Variants in WIZ observed in about 807,000 individuals in gnomAD.
The protein encoded by WIZ is protein Wiz.
In WIZ, 25 loss-of-function variants were observed where a neutral mutation model predicts 140.2. The observed-to-expected ratio is 0.18, with a 90% confidence interval of 0.13 to 0.25. WIZ has a LOEUF of 0.25. WIZ is among the 10% of genes least tolerant of loss of function. The pLI is 1.00. For synonymous variants in WIZ, 1,125 were observed against 1,154.3 expected (o/e 0.97, Z 0.51); for missense variants, 2,231 against 2,632.6 (o/e 0.85, Z 3.34).
Position 15,428,259 on chromosome 19 carries a change from A to T in WIZ, c.3665T>A (p.Leu1222His), listed in dbSNP as rs1489714537. 3 of 1,526,256 alleles carry T rather than the reference A, an allele frequency of 2.0e-6. No individual in the cohort carries two copies. Among genetic ancestry groups the T allele is most frequent in the Non-Finnish European group, 2.6e-6 (3 of 1,143,226 alleles). 94.5% of individuals were successfully genotyped at this position (1,526,256 alleles called of 1,614,324 possible). A position where few individuals can be genotyped will look rare whatever the true frequency, so the allele number is the denominator to read the frequency against. The change falls in exon 8 of 13, where the codon CTC becomes CAC. Residue 1222 changes from leucine (L) to histidine (H), a missense_variant. Coordinates refer to ENST00000673675, the MANE Select transcript of WIZ (RefSeq NM_001371589.1). The surrounding 1 kb of genome is among the most constrained non-coding windows in gnomAD (Gnocchi z 6.4). ...PGRPPPTSAALSLLPPPPPAK... is the reference protein window; with the variant it reads ...PGRPPPTSAAHSLLPPPPPAK... ...CGGCGGTGGGGGGGGAAGCAAGGAGAGGGCCGCGGAGGTGGGAGGCGGCCG... is the reference window on the plus strand; with the variant it reads ...CGGCGGTGGGGGGGGAAGCAAGGAGTGGGCCGCGGAGGTGGGAGGCGGCCG...
In WIZ at chr19:15,448,243, G is replaced by T. The variant is rs1342144156; in HGVS notation, c.65C>A (p.Pro22His). The change falls in exon 2 of 13, where the codon CCT (proline) becomes CAT (histidine). Residue 22 changes from proline (P) to histidine (H), a missense_variant. Physicochemically the swap from Pro to His is moderately conservative, Grantham distance 77. This residue lies in a region of WIZ where 85 missense variants were observed against 90.9 expected (regional missense o/e 0.94). Transcript: ENST00000673675. Reference protein sequence around the residue: ...PDRPQGPERLPGPAPRENIEG... With the variant: ...PDRPQGPERLHGPAPRENIEG... ...GATGTTCTCCCTTGGCGCCGGGCCA[G>T]GCAGTCTCTCTGGGCCTTGGGGACG... The T allele has an allele frequency of 2.5e-6, 4 of 1,613,490 alleles. No homozygotes were observed. In the African/African-American group the frequency reaches 5.3e-5, roughly 22 times the overall value.
At chr19:15,423,567 C>T (rs1288486756) in intron 12 of WIZ, among the ~76,000 whole-genome samples, 1 of 152,126 alleles carries the variant, frequency 6.6e-6, no homozygotes, top group Non-Finnish European at 1.5e-5. Flanking sequence ...AAATCCTACC[C>T]AACGCACCAA....
chr19:15,439,401 G>C lies in WIZ; in HGVS notation c.1593C>G (p.Ser531=). 1 of 1,528,224 alleles carries C rather than the reference G, an allele frequency of 6.5e-7. No homozygotes were observed. The highest frequency in any genetic ancestry group is 8.8e-7 in the Non-Finnish European group (1 of 1,141,496). The allele number at this position is 1,528,224 out of a possible 1,614,324, so 94.7% of individuals were successfully genotyped here. The change falls in exon 4 of 13, where the codon TCC becomes TCG. Residue 531 remains serine, a synonymous_variant. Transcript: ENST00000673675. This position sits in a 1 kb window ranked among gnomAD's most constrained non-coding sequence, Gnocchi z 7.0. The part of the protein sequence containing the change: ...AVDYFGKAEP[S]LAPMWRENPA... ...GGTTCTCCCGCCACATGGGGGCCAA[G>C]GACGGCTCAGCTTTGCCAAAGTAGT...
In WIZ at chr19:15,428,086, G is replaced by C. The variant is rs1003908724; in HGVS notation, c.3814+24C>G. 1 of 1,532,736 alleles carries C rather than the reference G, an allele frequency of 6.5e-7. No homozygotes were observed. The highest frequency in any genetic ancestry group is 8.7e-7 in the Non-Finnish European group (1 of 1,146,226). 94.9% of individuals were successfully genotyped at this position (1,532,736 alleles called of 1,614,324 possible). A position where few individuals can be genotyped will look rare whatever the true frequency, so the allele number is the denominator to read the frequency against. On this transcript the variant is annotated intron_variant, in intron 8 of 12. Coordinates refer to ENST00000673675, the MANE Select transcript of WIZ (RefSeq NM_001371589.1). This position sits in a 1 kb window ranked among gnomAD's most constrained non-coding sequence, Gnocchi z 6.4. Reference sequence around the variant, plus strand: ...GGGCTCCAGGGCCCGCAGTGAGGAGGGGGCAGCTGAAGCGAGAACCTACAG... The same window carrying C: ...GGGCTCCAGGGCCCGCAGTGAGGAGCGGGCAGCTGAAGCGAGAACCTACAG...
Position 15,423,034 on chromosome 19 carries a change from G to A in WIZ, c.*42C>T. The A allele has an allele frequency of 1.3e-6, 2 of 1,596,628 alleles. No homozygotes were observed. The highest frequency in any genetic ancestry group is 1.3e-5 in the African/African-American group (1 of 74,534). ...CAAGGACACAGAGGAGGAAGAAGAG[G>A]AGACAGAGGTGGCACGAGAGGGGAT... is the stretch of plus-strand genomic sequence containing the variant. On this transcript the variant is annotated 3_prime_UTR_variant, in exon 13 of 13. Coordinates refer to ENST00000673675, the MANE Select transcript of WIZ (RefSeq NM_001371589.1).
chr19:15,427,650 G>C lies in WIZ; in HGVS notation c.3815-117C>G, dbSNP rs1968932276. The C allele has an allele frequency of 9.5e-6, 11 of 1,152,354 alleles. No individual in the cohort carries two copies. In the South Asian group the frequency reaches 1.7e-4, roughly 18 times the overall value. The allele number at this position is 1,152,354 out of a possible 1,614,324, so 71.4% of individuals were successfully genotyped here. A position where few individuals can be genotyped will look rare whatever the true frequency, so the allele number is the denominator to read the frequency against. The stretch of plus-strand genomic sequence containing the variant: ...AGCAGCACGCCCACAGGTTAGGGTG[G>C]TGAGGGCAGGTGCAGGTAAGGGAGT... On this transcript the variant is annotated intron_variant, in intron 8 of 12. Coordinates refer to ENST00000673675, the MANE Select transcript of WIZ (RefSeq NM_001371589.1). The surrounding 1 kb of genome is among the most constrained non-coding windows in gnomAD (Gnocchi z 6.4).
chr19:15,426,833 T>C (rs972880854), intron 9 of WIZ, 149 bp downstream of exon 9: 5 of 883,082 alleles, frequency 5.7e-6, no homozygotes, highest in East Asian at 2.6e-5. Flanking sequence ...GGGGTCTGCA[T>C]AGCAGGAATA....
intron 6 of WIZ, among the ~76,000 whole-genome samples, chr19:15,430,501 G>C (rs1190011271): frequency 1.3e-5 from 2 of 152,128 alleles, no homozygotes; most frequent in Non-Finnish European, 2.9e-5. Flanking sequence ...ACTGGTCCTT[G>C]CAGTCTCCTG....
chr19:15,449,267 C>G (rs1413236564), intron 1 of WIZ, among the ~76,000 whole-genome samples: 1 of 151,880 alleles, frequency 6.6e-6, no homozygotes, highest in East Asian at 1.9e-4. Context: ...GGCCGGGGCG[C>G]CAGGCCTGGT....
At position 15,427,314 on chromosome 19, in the gene WIZ, G is replaced by A; in HGVS notation, c.4034C>T (p.Pro1345Leu). 2.5e-6 allele frequency: 4 copies of A among 1,613,658 alleles called. No homozygotes were observed. Among genetic ancestry groups the A allele is most frequent in the Non-Finnish European group, 3.4e-6 (4 of 1,179,820 alleles). ...GCCCATCATCTTGGCCAGGGCTTTT[G>A]GGCTTGGCCCTGGTGGGTTGGGAGG... ...GGPPNPPGPSPKALAKMMGGA... is the reference protein window; with the variant it reads ...GGPPNPPGPSLKALAKMMGGA... Residue 1345 changes from proline to leucine, a missense_variant, in exon 9 of 13, where the codon CCA becomes CTA. Pro to Leu is a moderately conservative substitution (Grantham distance 98, BLOSUM62 -3). This residue lies in a region of WIZ where 393 missense variants were observed against 451.7 expected (regional missense o/e 0.87). Transcript: ENST00000673675. The surrounding 1 kb of genome is among the most constrained non-coding windows in gnomAD (Gnocchi z 6.4).
chr19:15,440,583 G>A lies in WIZ; in HGVS notation c.411C>T (p.Ile137=), dbSNP rs772201243. The A allele has an allele frequency of 5.9e-6, 9 of 1,536,124 alleles. No homozygotes were observed. Among genetic ancestry groups the A allele is most frequent in the Non-Finnish European group, 7.8e-6 (9 of 1,146,854 alleles). Residue 137 remains isoleucine (I), a synonymous_variant, in exon 4 of 13, where the codon ATC becomes ATT. Transcript: ENST00000673675. The surrounding 1 kb of genome is among the most constrained non-coding windows in gnomAD (Gnocchi z 6.2). ...HPLVQEAGEG[I]LSERRFEDSV... ...AGTCCTCGAATCTCCGCTCAGATAG[G>A]ATGCCCTCCCCAGCCTCCTGGACAA...
Position 15,428,069 on chromosome 19 carries a change from G to A in WIZ, c.3814+41C>T. On this transcript the variant is annotated intron_variant, in intron 8 of 12. Transcript: ENST00000673675. The surrounding 1 kb of genome is among the most constrained non-coding windows in gnomAD (Gnocchi z 6.4). ...GACCCCCCCCCCGGGAGGGGCTCCA[G>A]GGCCCGCAGTGAGGAGGGGGCAGCT... 6.6e-7 allele frequency: 1 copy of A among 1,525,660 alleles called. No individual in the cohort carries two copies. The highest frequency in any genetic ancestry group is 8.7e-7 in the Non-Finnish European group (1 of 1,143,196). The allele number at this position is 1,525,660 out of a possible 1,614,324, so 94.5% of individuals were successfully genotyped here. A position where few individuals can be genotyped will look rare whatever the true frequency, so the allele number is the denominator to read the frequency against.
rs1184814284 is a variant in WIZ, at chr19:15,428,049, C to T, written c.3814+61G>A. The T allele has an allele frequency of 2.0e-6, 3 of 1,513,574 alleles. No homozygotes were observed. The South Asian group carries it at 3.7e-5, about 19-fold the overall frequency. The allele number at this position is 1,513,574 out of a possible 1,614,324, so 93.8% of individuals were successfully genotyped here. ...CCCAGCAGGGAGGGGGCTGTGACCC[C>T]CCCCCCGGGAGGGGCTCCAGGGCCC... On this transcript the variant is annotated intron_variant, in intron 8 of 12. Transcript: ENST00000673675. This position sits in a 1 kb window ranked among gnomAD's most constrained non-coding sequence, Gnocchi z 6.4.
In WIZ at chr19:15,428,033, G is replaced by A; in HGVS notation, c.3814+77C>T. The A allele has an allele frequency of 6.6e-7, 1 of 1,507,652 alleles. No individual in the cohort carries two copies. Among genetic ancestry groups the A allele is most frequent in the South Asian group, 1.2e-5 (1 of 80,806 alleles). The allele number at this position is 1,507,652 out of a possible 1,614,324, so 93.4% of individuals were successfully genotyped here. On this transcript the variant is annotated intron_variant, in intron 8 of 12. Coordinates refer to ENST00000673675, the MANE Select transcript of WIZ (RefSeq NM_001371589.1). This position sits in a 1 kb window ranked among gnomAD's most constrained non-coding sequence, Gnocchi z 6.4. The stretch of plus-strand genomic sequence containing the variant: ...CCTGTCTACTCCCTGCCCCAGCAGG[G>A]AGGGGGCTGTGACCCCCCCCCCGGG...
intron 2 of WIZ, among the ~76,000 whole-genome samples, chr19:15,445,990 G>A (rs1969906236): frequency 6.6e-6 from 1 of 152,184 alleles, no homozygotes; most frequent in Non-Finnish European, 1.5e-5. Context: ...CCCGGAGGGG[G>A]AGATCAAGCG....
Position 15,439,282 on chromosome 19 carries a change from G to A in WIZ, c.1712C>T (p.Thr571Met), listed in dbSNP as rs975222839. 47 of 1,535,394 alleles carry A rather than the reference G, an allele frequency of 3.1e-5. No homozygotes were observed. Among genetic ancestry groups the A allele is most frequent in the African/African-American group, 2.6e-4 (19 of 73,156 alleles). ...CAGCCTTCCGAGAGGCCTCTGGCCC[G>A]TGCCATGCAGGAGTGGCTTTGACAG... Reference protein sequence around the residue: ...FPLSKPLLHGTGQRPLGRLAF... With the variant: ...FPLSKPLLHGMGQRPLGRLAF... The change falls in exon 4 of 13, where the codon ACG becomes ATG. Residue 571 changes from threonine to methionine, a missense_variant. Around this residue, in one of 15 missense-constraint regions of WIZ, gnomAD observed 475 missense variants for 520.2 expected, o/e 0.91. Transcript: ENST00000673675. The surrounding 1 kb of genome is among the most constrained non-coding windows in gnomAD (Gnocchi z 7.0).
intron 9 of WIZ, among the ~76,000 whole-genome samples, chr19:15,426,530 G>C (rs1261855299): frequency 6.6e-6 from 1 of 152,196 alleles, no homozygotes; most frequent in Non-Finnish European, 1.5e-5. Flanking sequence ...GTCACATAAA[G>C]CTAGACTGTG....
chr19:15,433,127 A>G, intron 5 of WIZ: 1 of 541,024 alleles, frequency 1.8e-6, no homozygotes, highest in Non-Finnish European at 2.4e-6. Context: ...CCCTTTCCGG[A>G]AAGTCTCCAT....
rs1268387910 is a variant in WIZ at position 15,440,243 on chromosome 19, C to T, written c.751G>A (p.Glu251Lys). 2.4e-5 allele frequency: 36 copies of T among 1,495,644 alleles called. No individual in the cohort carries two copies. The highest frequency in any genetic ancestry group is 1.7e-4 in the Middle Eastern group (1 of 5,782). The allele number at this position is 1,495,644 out of a possible 1,614,324, so 92.6% of individuals were successfully genotyped here. Residue 251 changes from glutamate to lysine, a missense_variant, in exon 4 of 13, where the codon GAG (glutamate) becomes AAG (lysine). By Grantham distance (56) the Glu-to-Lys change is moderately conservative. Coordinates refer to ENST00000673675, the MANE Select transcript of WIZ (RefSeq NM_001371589.1). This position sits in a 1 kb window ranked among gnomAD's most constrained non-coding sequence, Gnocchi z 6.2. ...GAGGCTGACGTGGGTAGGCCCCACT[C>T]GGACGGCTGGGCCAGCCCCTCCAGG... is the stretch of plus-strand genomic sequence containing the variant. ...EDLEGLAQPS[E>K]WGLPTSASEV...
Sources: allele counts gnomAD v4.1 joint callset (sites outside exome capture counted in the v4.1 genomes callset), GRCh38; gene constraint gnomAD v4.1.1; regional missense constraint gnomAD v4.1.1; non-coding constraint Gnocchi (gnomAD v3.1); transcripts MANE v1.5; gene names NCBI Gene and HGNC (gene_info 2026-07-23, HGNC 2026-07-21).